Variants in ADARB2 observed in about 807,000 individuals in gnomAD.
ADARB2 encodes adenosine deaminase RNA specific B2 (inactive), also known as inactive double-stranded RNA-specific editase B2.
A neutral mutation model predicts 62.2 loss-of-function variants in ADARB2; 25 were observed. The ratio of observed to expected loss-of-function variants is 0.40; its 90% CI spans 0.29 to 0.56. The LOEUF (loss-of-function observed/expected upper bound fraction) is 0.56. Among genes scored for constraint, ADARB2 ranks in the 20% least tolerant of loss-of-function variants. The probability of loss-of-function intolerance (pLI) is 0.43; values close to 1 mark genes in which losing one functional copy is unlikely to be tolerated. For missense variants in ADARB2, 1,071 were observed against 1,077.4 expected (o/e 0.99, Z 0.08); for synonymous variants, 572 against 500.8 (o/e 1.14, Z -1.90).
At chr10:1,498,314 G>A (rs1024257358) in intron 1 of ADARB2, among the ~76,000 whole-genome samples, 2 of 152,046 alleles carry the variant, frequency 1.3e-5, no homozygotes, top group Non-Finnish European at 2.9e-5. Flanking sequence ...GGCAGAGGTT[G>A]CAGTAAGCCA....
chr10:1,242,122 G>T lies in ADARB2; in HGVS notation c.1361+9C>A. Reference sequence around the variant, plus strand: ...CCGCCTTCCCTGGAGCCCGTCCCCAGCCGCTCACCTCAGGTGCAGCTCCAG... The same window carrying T: ...CCGCCTTCCCTGGAGCCCGTCCCCATCCGCTCACCTCAGGTGCAGCTCCAG... On this transcript the variant is annotated intron_variant, in intron 5 of 9. Transcript: ENST00000381312. The T allele has an allele frequency of 6.3e-7, 1 of 1,594,314 alleles. No homozygotes were observed. The highest frequency in any genetic ancestry group is 8.5e-7 in the Non-Finnish European group (1 of 1,171,518).
chr10:1,559,238 G>T (rs560395430), intron 1 of ADARB2, among the ~76,000 whole-genome samples: 4 of 152,330 alleles, frequency 2.6e-5, no homozygotes, highest in Admixed American at 2.6e-4. Flanking sequence ...CTGTGGGAGA[G>T]GAAAGAGGGC....
At chr10:1,218,271 G>A (rs906308728) in intron 6 of ADARB2, among the ~76,000 whole-genome samples, 3 of 152,148 alleles carry the variant, frequency 2.0e-5, no homozygotes, top group East Asian at 1.9e-4. Context: ...GGCTGGTCTC[G>A]AACTCCTGAC....
chr10:1,523,820 C>T (rs1832104670), intron 1 of ADARB2, among the ~76,000 whole-genome samples: 1 of 152,154 alleles, frequency 6.6e-6, no homozygotes, highest in Non-Finnish European at 1.5e-5. Context: ...AATCTGTCAT[C>T]CTTTTAATCT....
chr10:1,278,702 CCT>C (rs1013825023), intron 3 of ADARB2, among the ~76,000 whole-genome samples: 2 of 152,016 alleles, frequency 1.3e-5, no homozygotes, highest in Non-Finnish European at 2.9e-5. Flanking sequence ...TTCCTATTCC[CCT>C]GTTTGGAGGT....
intron 7 of ADARB2, among the ~76,000 whole-genome samples, chr10:1,212,165 T>C (rs1837162591): frequency 6.6e-6 from 1 of 152,242 alleles, no homozygotes; most frequent in African/African-American, 2.4e-5. Context: ...CGTATTTGTG[T>C]ATGAAGGGTC....
chr10:1,540,141 C>A (rs757674149), intron 1 of ADARB2, among the ~76,000 whole-genome samples: 16 of 152,148 alleles, frequency 1.1e-4, no homozygotes, highest in Non-Finnish European at 2.2e-4. Flanking sequence ...CGATTCTCAA[C>A]AATATAAGAA....
chr10:1,295,861 A>T (rs1831518186), intron 3 of ADARB2, among the ~76,000 whole-genome samples: 1 of 152,230 alleles, frequency 6.6e-6, no homozygotes. Flanking sequence ...CTGTAGTAGG[A>T]AAAGGTGGCC....
At chr10:1,227,809 A>G (rs563228664) in intron 6 of ADARB2, among the ~76,000 whole-genome samples, 4 of 152,358 alleles carry the variant, frequency 2.6e-5, no homozygotes, top group Admixed American at 2.6e-4. Flanking sequence ...TTAGATTTTC[A>G]AACTGTCTTC....
Position 1,374,819 on chromosome 10 carries a change from A to G in ADARB2, c.187+4255T>C, listed in dbSNP as rs143304732. Among the ~76,000 whole-genome samples the G allele has an allele frequency of 5.9e-5, 9 of 152,338 alleles. No homozygotes were observed. The South Asian group carries it at 1.2e-3, about 21-fold the overall frequency. ...TTAGTCAGGCAGCGCGCCACGCTAC[A>G]TTGGAAGAGATAATGTTGCTTCTGG... On this transcript the variant is annotated intron_variant, in intron 2 of 9. Coordinates refer to ENST00000381312, the MANE Select transcript of ADARB2 (RefSeq NM_018702.4).
intron 4 of ADARB2, among the ~76,000 whole-genome samples, chr10:1,258,125 T>C (rs1028945189): frequency 6.6e-6 from 1 of 152,196 alleles, no homozygotes; most frequent in Non-Finnish European, 1.5e-5. Flanking sequence ...TCTCTTTTTC[T>C]CTTTCTCTCT....
intron 7 of ADARB2, 47 bp downstream of exon 7, chr10:1,216,904 C>T (rs761460552): frequency 1.9e-6 from 3 of 1,586,396 alleles, no homozygotes; most frequent in Non-Finnish European, 2.6e-6. Flanking sequence ...CTTGGCACTC[C>T]CCACCGGCCG....
At chr10:1,652,555 C>G (rs11814112) in intron 1 of ADARB2, among the ~76,000 whole-genome samples, 2 of 151,990 alleles carry the variant, frequency 1.3e-5, no homozygotes, top group Non-Finnish European at 2.9e-5. Flanking sequence ...CTAATTTGTG[C>G]GGTGTGCAAA....
chr10:1,448,103 T>G (rs113894880), intron 1 of ADARB2, among the ~76,000 whole-genome samples: 1 of 152,204 alleles, frequency 6.6e-6, no homozygotes, highest in Non-Finnish European at 1.5e-5. Context: ...TAAATTGATG[T>G]TCTTTAGTTA....
At chr10:1,720,095 A>AT (rs1173868517) in intron 1 of ADARB2, among the ~76,000 whole-genome samples, 4 of 152,222 alleles carry the variant, frequency 2.6e-5, no homozygotes, top group African/African-American at 7.2e-5. Flanking sequence ...TCGCAGCACT[A>AT]TTCACAATAG....
chr10:1,199,229 G>A (rs1410313662), intron 8 of ADARB2, among the ~76,000 whole-genome samples: 10 of 144,848 alleles, frequency 6.9e-5, no homozygotes, highest in Admixed American at 1.4e-4. Flanking sequence ...CCCGCTTCCC[G>A]CTGTTCCTGT....
intron 1 of ADARB2, among the ~76,000 whole-genome samples, chr10:1,543,695 T>C (rs1288579704): frequency 6.6e-6 from 1 of 152,110 alleles, no homozygotes; most frequent in Non-Finnish European, 1.5e-5. Flanking sequence ...AAATAAAAAA[T>C]AGACCCGAAC....
chr10:1,539,890 G>T (rs4376829), intron 1 of ADARB2, among the ~76,000 whole-genome samples: 56,344 of 152,072 alleles, frequency 0.37, 10,874 homozygotes, highest in East Asian at 0.74. Context: ...GAGGTATTGG[G>T]TCGGAAGTAG....
Position 1,306,641 on chromosome 10 carries a change from A to G in ADARB2, c.1078-35572T>C, listed in dbSNP as rs1246734210. 1.9e-4 allele frequency among the ~76,000 whole-genome samples: 26 copies of G among 134,528 alleles called. No individual in the cohort carries two copies. The East Asian group carries it at 4.8e-3, about 25-fold the overall frequency. The allele number at this position is 134,528 out of a possible 152,430, so 88.3% of individuals were successfully genotyped here. A position where few individuals can be genotyped will look rare whatever the true frequency, so the allele number is the denominator to read the frequency against. ...AAAAGAACAAAGCTGGAGGCATCAC[A>G]CTACCTGACTTCAAACTATACTACA... On this transcript the variant is annotated intron_variant, in intron 3 of 9. Transcript: ENST00000381312.
Sources: gnomAD v4.1 joint callset for allele counts (sites outside exome capture counted in the v4.1 genomes callset) on GRCh38, gnomAD v4.1.1 for gene constraint, MANE v1.5 for transcripts, NCBI Gene and HGNC (gene_info 2026-07-23, HGNC 2026-07-21) for gene names.